The following ZFAT variants were observed in gnomAD, a reference collection of about 807,000 sequenced individuals.
ZFAT encodes zinc finger and AT-hook domain containing, also known as zinc finger protein ZFAT.
A neutral mutation model predicts 117.7 loss-of-function variants in ZFAT; 64 were observed. The ratio of observed to expected loss-of-function variants is 0.54; its 90% CI spans 0.44 to 0.67. ZFAT has a LOEUF of 0.67. Ranked by LOEUF, ZFAT falls within the 30% of genes least tolerant of loss-of-function variation. ZFAT has a pLI of 0.00. For synonymous variants in ZFAT, 679 were observed against 615.0 expected (o/e 1.10, Z -1.54); for missense variants, 1,433 against 1,584.5 (o/e 0.90, Z 1.62).
intron 1 of ZFAT, among the ~76,000 whole-genome samples, chr8:134,674,533 G>A (rs1203882735): frequency 1.3e-5 from 2 of 152,234 alleles, no homozygotes; most frequent in African/African-American, 4.8e-5. Context: ...CGGAGCACCT[G>A]TGGGAAGGGG....
At chr8:134,701,878 G>A (rs534243505) in intron 1 of ZFAT, among the ~76,000 whole-genome samples, 45 of 152,328 alleles carry the variant, frequency 3.0e-4, no homozygotes, top group African/African-American at 1.1e-3. Context: ...AGAAATACAT[G>A]TTGAAACTTA....
chr8:134,564,536 A>G (rs991159496), intron 11 of ZFAT, among the ~76,000 whole-genome samples: 1 of 152,248 alleles, frequency 6.6e-6, no homozygotes, highest in African/African-American at 2.4e-5. Context: ...CCAGAGGGAC[A>G]AAACAGATGC....
chr8:134,662,220 T>G (rs1831968372), intron 1 of ZFAT, among the ~76,000 whole-genome samples: 1 of 152,106 alleles, frequency 6.6e-6, no homozygotes, highest in Admixed American at 6.5e-5. Flanking sequence ...ATTCCATTCA[T>G]GAAGGCCCCA....
the ZFAT span, among the ~76,000 whole-genome samples, chr8:134,757,373 T>C: frequency 6.6e-6 from 1 of 152,212 alleles, no homozygotes; most frequent in African/African-American, 2.4e-5. Flanking sequence ...CCTTCTGCAT[T>C]CCACTCTCCA....
At chr8:134,604,678 T>C (rs1046342906) in intron 5 of ZFAT, among the ~76,000 whole-genome samples, 15 of 152,266 alleles carry the variant, frequency 9.9e-5, no homozygotes, top group Non-Finnish European at 1.8e-4. Context: ...TCTATAGTTA[T>C]AAAACTATCC....
At chr8:134,649,511 T>C (rs896587473) in intron 2 of ZFAT, among the ~76,000 whole-genome samples, 6 of 152,106 alleles carry the variant, frequency 3.9e-5, no homozygotes, top group Admixed American at 2.0e-4. Flanking sequence ...TCCAGCAAAA[T>C]TGCAGGATAA....
the ZFAT span, among the ~76,000 whole-genome samples, chr8:134,733,767 C>T: frequency 6.6e-6 from 1 of 152,242 alleles, no homozygotes; most frequent in South Asian, 2.1e-4. Flanking sequence ...ACCGTGCCAT[C>T]ACCTGTCCTG....
chr8:134,544,250 C>T (rs1319817567), intron 11 of ZFAT, among the ~76,000 whole-genome samples: 1 of 152,204 alleles, frequency 6.6e-6, no homozygotes, highest in African/African-American at 2.4e-5. Flanking sequence ...GTAGAGTCCA[C>T]ATCAGAACCC....
the ZFAT span, among the ~76,000 whole-genome samples, chr8:134,750,043 G>C: frequency 6.6e-6 from 1 of 151,980 alleles, no homozygotes; most frequent in African/African-American, 2.4e-5. Context: ...TTTTGATTGG[G>C]GTTGTGTCAA....
chr8:134,507,347 G>A (rs750588105), intron 15 of ZFAT, among the ~76,000 whole-genome samples: 29 of 152,260 alleles, frequency 1.9e-4, no homozygotes, highest in Non-Finnish European at 1.0e-4. Context: ...GGTGCTCAGC[G>A]TCTACCCGCC....
chr8:134,552,388 T>C (rs1458442943), intron 11 of ZFAT, among the ~76,000 whole-genome samples: 1 of 152,268 alleles, frequency 6.6e-6, no homozygotes, highest in Non-Finnish European at 1.5e-5. Flanking sequence ...GTATTCTATA[T>C]GGCATTCTCA....
chr8:134,539,548 A>AACCTCAGTTT (rs1267887998), intron 11 of ZFAT, among the ~76,000 whole-genome samples: 7 of 152,224 alleles, frequency 4.6e-5, no homozygotes, highest in Non-Finnish European at 8.8e-5. Flanking sequence ...TCACTATTTC[A>AACCTCAGTTT]ACCTCAGTTT....
chr8:134,811,051 G>A, the ZFAT span, among the ~76,000 whole-genome samples: 7 of 151,778 alleles, frequency 4.6e-5, no homozygotes, highest in South Asian at 2.1e-4. Flanking sequence ...AGAAACAACC[G>A]TCAGTTAATT....
chr8:134,596,172 C>A (rs1056973758), intron 7 of ZFAT, among the ~76,000 whole-genome samples: 5 of 152,198 alleles, frequency 3.3e-5, no homozygotes, highest in African/African-American at 4.8e-5. Context: ...CTAAGATCAA[C>A]CACATGGACA....
intron 11 of ZFAT, among the ~76,000 whole-genome samples, chr8:134,548,472 C>G (rs939033596): frequency 6.6e-6 from 1 of 152,148 alleles, no homozygotes; most frequent in Non-Finnish European, 1.5e-5. Context: ...AGAGGCCAGG[C>G]AGAGCAGGTG....
At chr8:134,817,851 G>A in the ZFAT span, among the ~76,000 whole-genome samples, 7 of 152,176 alleles carry the variant, frequency 4.6e-5, no homozygotes, top group Admixed American at 6.5e-5. Flanking sequence ...GAACAAAATC[G>A]AGTCCAAAAT....
rs774212561 is a variant in ZFAT at position 134,601,580 on chromosome 8, G to A, written c.2139C>T (p.Thr713=). ...KAAPEHRSGI[T]AFMKVLNSLQ... ...AACTGTTCAGGACCTTCATGAAAGCGGTGATGCCTGACCGGTGCTCAGGGG... is the reference window on the plus strand; with the variant it reads ...AACTGTTCAGGACCTTCATGAAAGCAGTGATGCCTGACCGGTGCTCAGGGG... The change falls in exon 6 of 16, where the codon ACC becomes ACT. Residue 713 remains threonine, a synonymous_variant. Coordinates refer to ENST00000377838, the MANE Select transcript of ZFAT (RefSeq NM_020863.4). 4.6e-5 allele frequency: 74 copies of A among 1,614,096 alleles called. No individual in the cohort carries two copies. Among genetic ancestry groups the A allele is most frequent in the African/African-American group, 8.0e-5 (6 of 74,934 alleles).
Position 134,657,671 on chromosome 8 carries a change from G to C in ZFAT, c.86C>G (p.Ser29Cys), listed in dbSNP as rs1831694088. ...TTCCATGTGCTTCTCTGAAACGTGG[G>C]AGAGGAGTTCCGACTGATTTGGTGA... ...LFSPNQSELL[S>C]HVSEKHMEEG... Residue 29 changes from serine to cysteine, a missense_variant, in exon 2 of 16, where the codon TCC (serine) becomes TGC (cysteine). Transcript: ENST00000377838. 1 of 1,614,136 alleles carries C rather than the reference G, an allele frequency of 6.2e-7. No homozygotes were observed. Among genetic ancestry groups the C allele is most frequent in the Non-Finnish European group, 8.5e-7 (1 of 1,180,030 alleles).
At chr8:134,548,629 A>C (rs1822880960) in intron 11 of ZFAT, among the ~76,000 whole-genome samples, 1 of 152,200 alleles carries the variant, frequency 6.6e-6, no homozygotes, top group Non-Finnish European at 1.5e-5. Flanking sequence ...GTTTCACAAA[A>C]TGTAAGTGCT....
Sources: gnomAD v4.1 joint callset for allele counts (sites outside exome capture counted in the v4.1 genomes callset) on GRCh38, gnomAD v4.1.1 for gene constraint, MANE v1.5 for transcripts, NCBI Gene and HGNC (gene_info 2026-07-23, HGNC 2026-07-21) for gene names.